Variants in SLC7A7 observed in about 807,000 individuals in gnomAD.
SLC7A7 encodes the protein solute carrier family 7 member 7.
A neutral mutation model predicts 47.9 loss-of-function variants in SLC7A7; 39 were observed. The ratio of observed to expected loss-of-function variants is 0.81; its 90% CI spans 0.63 to 1.06. The LOEUF is 1.06. Ranked by LOEUF, SLC7A7 falls within the 50% of genes least tolerant of loss-of-function variation. The probability of loss-of-function intolerance (pLI) is 0.00; values close to 1 mark genes in which losing one functional copy is unlikely to be tolerated. For missense variants in SLC7A7, 588 were observed against 632.0 expected (o/e 0.93, Z 0.75); for synonymous variants, 234 against 242.8 (o/e 0.96, Z 0.34).
intron 2 of SLC7A7, among the ~76,000 whole-genome samples, chr14:22,795,924 A>G (rs1279819745): frequency 1.3e-5 from 2 of 152,120 alleles, no homozygotes; most frequent in Non-Finnish European, 2.9e-5. Context: ...TAGAACATAG[A>G]AAGGAAGAGA....
chr14:22,808,258 T>C (rs1313313172), intron 2 of SLC7A7, among the ~76,000 whole-genome samples: 1 of 152,196 alleles, frequency 6.6e-6, no homozygotes. Flanking sequence ...AACATGTCAG[T>C]CTCCTTTCTG....
rs151261004 is a variant in SLC7A7 at position 22,778,843 on chromosome 14, T to G, written c.720A>C (p.Ser240=). The G allele has an allele frequency of 5.0e-4, 807 of 1,614,198 alleles. 2 individuals carry two copies. In the African/African-American group the frequency reaches 8.6e-3, roughly 17 times the overall value. Residue 240 remains serine, a synonymous_variant, in exon 4 of 10, where the codon TCA becomes TCC. Coordinates refer to ENST00000674313, the MANE Select transcript of SLC7A7 (RefSeq NM_003982.4). ...TGACATAGTTGAGGGTGTCCCAGCC[T>G]GAGTAGGAGAACAGAGCTGAGTACA... is the stretch of plus-strand genomic sequence containing the variant. ...LALYSALFSY[S]GWDTLNYVTE...
intron 2 of SLC7A7, among the ~76,000 whole-genome samples, chr14:22,802,126 C>T (rs4982675): frequency 0.13 from 19,923 of 152,056 alleles, 1,884 homozygotes; most frequent in East Asian, 0.43. Flanking sequence ...GGGCCGGGCA[C>T]GGTAGGTGGC....
upstream of SLC7A7, chr14:22,815,449 T>C (rs1218737737): frequency 2.2e-6 from 1 of 454,286 alleles, no homozygotes; most frequent in Non-Finnish European, 4.4e-6. Context: ...GCCAGACAAA[T>C]GCCTATGGAT....
chr14:22,814,417 G>A (rs1479732578), intron 1 of SLC7A7, among the ~76,000 whole-genome samples: 5 of 151,882 alleles, frequency 3.3e-5, no homozygotes, highest in Admixed American at 3.3e-4. Flanking sequence ...CCGGGAGGCA[G>A]AGGTTGCGGT....
At chr14:22,774,254 C>T (rs2038546438) in intron 8 of SLC7A7, 100 bp downstream of exon 8, 1 of 1,602,522 alleles carries the variant, frequency 6.2e-7, no homozygotes, top group African/African-American at 1.3e-5. Flanking sequence ...ACGACCAAGT[C>T]CCAGGCAAAG....
At position 22,774,443 on chromosome 14, in the gene SLC7A7, T is replaced by C. The variant is rs2038553443; in HGVS notation, c.1156A>G (p.Ser386Gly). The change falls in exon 8 of 10, where the codon AGC becomes GGC. Residue 386 changes from serine (S) to glycine (G), a missense_variant. Ser to Gly is a moderately conservative substitution (Grantham distance 56). Transcript: ENST00000674313. ...CCCACAAAGAACCAGTAGCTGAAGC[T>C]GTAGTAGTTAATGAGCTGGAAGATG... ...EDIFQLINYY[S>G]FSYWFFVGLS... 1 of 1,614,000 alleles carries C rather than the reference T, an allele frequency of 6.2e-7. No homozygotes were observed. The highest frequency in any genetic ancestry group is 1.3e-5 in the African/African-American group (1 of 74,888).
rs189497702 is a variant in SLC7A7, at chr14:22,787,997, C to T, written c.500-7946G>A. Among the ~76,000 whole-genome samples, 215 of 148,832 alleles carry T rather than the reference C, an allele frequency of 1.4e-3. 4 individuals carry two copies. In the East Asian group the frequency reaches 0.031, roughly 22 times the overall value. ...CTGAGGCAGGAGAATGGCGTGAACC[C>T]GGGAGGCGGCGGTTGCAGTGAGCCG... On this transcript the variant is annotated intron_variant, in intron 2 of 9. Transcript: ENST00000674313.
In SLC7A7 at chr14:22,775,849, T is replaced by A; in HGVS notation, c.982A>T (p.Ile328Phe). The change falls in exon 6 of 10, where the codon ATT becomes TTT. Residue 328 changes from isoleucine to phenylalanine, a missense_variant. Coordinates refer to ENST00000674313, the MANE Select transcript of SLC7A7 (RefSeq NM_003982.4). ...CACTCTTACCTAGAAGCAGCCACAA[T>A]GGAGGCATTGAGGCCACCAAAACAG... ...LSCFGGLNAS[I>F]VAASRLFFVG... 3 of 1,613,946 alleles carry A rather than the reference T, an allele frequency of 1.9e-6. No homozygotes were observed. The highest frequency in any genetic ancestry group is 2.5e-6 in the Non-Finnish European group (3 of 1,179,802).
intron 7 of SLC7A7, 82 bp downstream of exon 7, chr14:22,775,362 A>G: frequency 1.8e-6 from 2 of 1,101,370 alleles, no homozygotes; most frequent in South Asian, 2.5e-5. Flanking sequence ...CAGAGCTTTC[A>G]GGAAGCTAGA....
rs2038584539 is a variant in SLC7A7 at position 22,775,511 on chromosome 14, T to G, written c.1028A>C (p.His343Pro). 4 of 1,614,214 alleles carry G rather than the reference T, an allele frequency of 2.5e-6. No individual in the cohort carries two copies. The East Asian group carries it at 8.9e-5, about 36-fold the overall frequency. ...GATCATGCAGATGGCATCAGGGAGA[T>G]GGCCTTCTCTTGAGCCCACAAAGAA... ...RLFFVGSREG[H>P]LPDAICMIHV... is the part of the protein sequence containing the mutation. Residue 343 changes from histidine (H) to proline (P), a missense_variant, in exon 7 of 10, where the codon CAT becomes CCT. Physicochemically the swap from His to Pro is moderately conservative, Grantham distance 77 (BLOSUM62 -2). Transcript: ENST00000674313.
chr14:22,802,255 T>A (rs1287516525), intron 2 of SLC7A7, among the ~76,000 whole-genome samples: 2 of 151,898 alleles, frequency 1.3e-5, no homozygotes, highest in African/African-American at 4.8e-5. Context: ...ATACAAAAAT[T>A]AGCAGGGCGG....
At chr14:22,800,305 T>C (rs958493135) in intron 2 of SLC7A7, among the ~76,000 whole-genome samples, 1 of 151,394 alleles carries the variant, frequency 6.6e-6, no homozygotes, top group African/African-American at 2.4e-5. Flanking sequence ...TAGATTGGAG[T>C]TTTCCAATAT....
intron 7 of SLC7A7, 72 bp from the exon 8 acceptor site, chr14:22,774,575 C>T: frequency 6.3e-7 from 1 of 1,591,360 alleles, no homozygotes; most frequent in Non-Finnish European, 8.6e-7. Context: ...TCCCTTTATA[C>T]CCCAGAAATC....
upstream of SLC7A7, among the ~76,000 whole-genome samples, chr14:22,819,416 A>T (rs966474046): frequency 1.3e-5 from 2 of 152,066 alleles, no homozygotes; most frequent in Non-Finnish European, 2.9e-5. Flanking sequence ...CTTTAAAAAA[A>T]AAAAAAAAAA....
chr14:22,810,715 T>C (rs1216904917), intron 2 of SLC7A7, among the ~76,000 whole-genome samples: 2 of 152,128 alleles, frequency 1.3e-5, no homozygotes, highest in South Asian at 2.1e-4. Flanking sequence ...CAGTGGCTCA[T>C]GCCTGTAATC....
intron 3 of SLC7A7, 66 bp downstream of exon 3, chr14:22,779,860 C>T: frequency 4.9e-6 from 7 of 1,430,988 alleles, no homozygotes; most frequent in Admixed American, 1.7e-5. Flanking sequence ...ACAAAGAGCA[C>T]TTAGAGGAGT....
At position 22,774,313 on chromosome 14, in the gene SLC7A7, G is replaced by A. The variant is rs367774890; in HGVS notation, c.1245+41C>T. ...ATAGTCCCTTGTAGCAACAACTCCA[G>A]CTGTTTCAGGTGGAGCAGAGGTAGG... On this transcript the variant is annotated intron_variant, in intron 8 of 9. Coordinates refer to ENST00000674313, the MANE Select transcript of SLC7A7 (RefSeq NM_003982.4). 7.4e-6 allele frequency: 12 copies of A among 1,613,196 alleles called. No individual in the cohort carries two copies. The African/African-American group carries it at 8.0e-5, about 11-fold the overall frequency.
intron 2 of SLC7A7, among the ~76,000 whole-genome samples, chr14:22,783,632 C>T (rs2038761098): frequency 6.6e-6 from 1 of 151,678 alleles, no homozygotes; most frequent in South Asian, 2.1e-4. Flanking sequence ...AACTCCTGAC[C>T]TCAGGTGATC....
Sources: gnomAD v4.1 joint callset for allele counts (sites outside exome capture counted in the v4.1 genomes callset) on GRCh38, gnomAD v4.1.1 for gene constraint, MANE v1.5 for transcripts, NCBI Gene and HGNC (gene_info 2026-07-23, HGNC 2026-07-21) for gene names.